RALGAPA1: variants seen among roughly 807,000 people sequenced by gnomAD.
The protein encoded by RALGAPA1 is ral GTPase-activating protein subunit alpha-1.
Under a neutral mutation model 269.6 loss-of-function variants are expected in RALGAPA1, and 52 were observed. The observed-to-expected ratio is 0.19, with a 90% CI of 0.15 to 0.24. RALGAPA1 has a LOEUF of 0.24. RALGAPA1 is among the 10% of genes least tolerant of loss of function. RALGAPA1 has a pLI of 1.00. For missense variants in RALGAPA1, 1,917 were observed against 3,013.9 expected (o/e 0.64, Z 8.52); for synonymous variants, 817 against 1,008.3 (o/e 0.81, Z 3.60).
chr14:35,715,367 T>A (rs562736633), intron 16 of RALGAPA1, among the ~76,000 whole-genome samples: 1 of 152,318 alleles, frequency 6.6e-6, no homozygotes, highest in South Asian at 2.1e-4. Context: ...TATGTTTTTA[T>A]TTCTCAAAGT....
chr14:35,584,871 A>C (rs1384485689), intron 37 of RALGAPA1, among the ~76,000 whole-genome samples: 2 of 152,224 alleles, frequency 1.3e-5, no homozygotes, highest in Non-Finnish European at 2.9e-5. Context: ...AATCACTTTA[A>C]GAATTAATGT....
intron 36 of RALGAPA1, among the ~76,000 whole-genome samples, chr14:35,604,217 T>C (rs1317650338): frequency 1.3e-5 from 2 of 152,024 alleles, no homozygotes; most frequent in African/African-American, 4.8e-5. Flanking sequence ...CTAATTGACA[T>C]ACCTAGTTCA....
At chr14:35,791,380 G>A (rs2076156868) in intron 1 of RALGAPA1, among the ~76,000 whole-genome samples, 1 of 152,158 alleles carries the variant, frequency 6.6e-6, no homozygotes, top group Non-Finnish European at 1.5e-5. Flanking sequence ...AAGGCAGGTG[G>A]ATCACCTTAA....
Position 35,680,822 on chromosome 14 carries a change from G to T in RALGAPA1, c.4472-2720C>A, listed in dbSNP as rs368523677. On this transcript the variant is annotated intron_variant, in intron 21 of 41. Coordinates refer to ENST00000680220, the MANE Select transcript of RALGAPA1 (RefSeq NM_001346249.2). ...GTAGAGACGGGGTTTCACCGTGTTAGCCAGGATGGTCTCAATCTCCTGACC... is the reference window on the plus strand; with the variant it reads ...GTAGAGACGGGGTTTCACCGTGTTATCCAGGATGGTCTCAATCTCCTGACC... Among the ~76,000 whole-genome samples the T allele has an allele frequency of 8.6e-5, 13 of 151,722 alleles. No homozygotes were observed. The East Asian group carries it at 2.1e-3, about 25-fold the overall frequency.
intron 26 of RALGAPA1, among the ~76,000 whole-genome samples, chr14:35,669,078 C>G (rs1454314802): frequency 6.6e-6 from 1 of 152,092 alleles, no homozygotes; most frequent in Admixed American, 6.6e-5. Context: ...CTTTCAGGGA[C>G]ATATTTATGT....
chr14:35,808,437 A>G (rs2077528684), intron 1 of RALGAPA1, among the ~76,000 whole-genome samples: 1 of 152,172 alleles, frequency 6.6e-6, no homozygotes, highest in Admixed American at 6.5e-5. Context: ...ATTATCCACA[A>G]CGCCAGGTCT....
At chr14:35,756,501 A>T (rs2073191126) in intron 7 of RALGAPA1, 1 of 166,010 alleles carries the variant, frequency 6.0e-6, no homozygotes, top group South Asian at 1.8e-4. Flanking sequence ...ACTAAGGGAT[A>T]CCCTTCTAAA....
chr14:35,739,280 A>G (rs2071333156), intron 11 of RALGAPA1, among the ~76,000 whole-genome samples: 1 of 152,182 alleles, frequency 6.6e-6, no homozygotes, highest in Admixed American at 6.5e-5. Context: ...ATATCTTTAA[A>G]TAGTTAAGTT....
At chr14:35,547,947 GTGT>G (rs556512109) in intron 41 of RALGAPA1, among the ~76,000 whole-genome samples, 34 of 152,064 alleles carry the variant, frequency 2.2e-4, no homozygotes, top group Non-Finnish European at 4.1e-4. Flanking sequence ...TAGAAAAGAA[GTGT>G]TGTGCCTTTT....
intron 24 of RALGAPA1, 33 bp from the exon 25 acceptor site, chr14:35,673,055 A>G (rs2064619843): frequency 7.3e-7 from 1 of 1,373,352 alleles, no homozygotes; most frequent in Non-Finnish European, 9.5e-7. Flanking sequence ...AATGTTCAAA[A>G]AGAAATACTA....
chr14:35,716,777 A>T (rs865835915), intron 16 of RALGAPA1, among the ~76,000 whole-genome samples: 75 of 152,192 alleles, frequency 4.9e-4, no homozygotes, highest in African/African-American at 1.7e-3. Context: ...GTTGTCTCAT[A>T]ATATGTACTA....
intron 10 of RALGAPA1, among the ~76,000 whole-genome samples, chr14:35,745,404 T>A (rs1349397250): frequency 7.3e-6 from 1 of 137,294 alleles, no homozygotes; most frequent in Non-Finnish European, 1.5e-5. Context: ...GAAATACACA[T>A]ACACAGACAC....
intron 37 of RALGAPA1, among the ~76,000 whole-genome samples, chr14:35,591,154 T>C (rs1000133816): frequency 6.6e-6 from 1 of 152,208 alleles, no homozygotes; most frequent in East Asian, 1.9e-4. Context: ...TTAACAGTTG[T>C]GGACCATCAA....
chr14:35,708,036 G>A (rs753317131), intron 16 of RALGAPA1, among the ~76,000 whole-genome samples: 3 of 152,024 alleles, frequency 2.0e-5, no homozygotes, highest in Non-Finnish European at 4.4e-5. Context: ...TTCAATAAAT[G>A]GTGCTGGGAT....
intron 31 of RALGAPA1, among the ~76,000 whole-genome samples, chr14:35,642,944 C>T (rs2062122890): frequency 6.6e-6 from 1 of 152,108 alleles, no homozygotes; most frequent in Non-Finnish European, 1.5e-5. Flanking sequence ...AAGTGTCCAT[C>T]AATGATAGAC....
intron 37 of RALGAPA1, among the ~76,000 whole-genome samples, chr14:35,573,192 T>C (rs2057339241): frequency 6.6e-6 from 1 of 152,182 alleles, no homozygotes; most frequent in Non-Finnish European, 1.5e-5. Flanking sequence ...CTCAAGACGT[T>C]ATTTAAATGT....
At chr14:35,624,975 G>C (rs2060898802) in intron 35 of RALGAPA1, among the ~76,000 whole-genome samples, 1 of 151,986 alleles carries the variant, frequency 6.6e-6, no homozygotes, top group Non-Finnish European at 1.5e-5. Flanking sequence ...CAGATCACAA[G>C]GTCAGGAGAT....
chr14:35,749,525 C>T (rs981016697), intron 9 of RALGAPA1, among the ~76,000 whole-genome samples: 4 of 152,052 alleles, frequency 2.6e-5, no homozygotes, highest in South Asian at 2.1e-4. Context: ...CAATTTTTGG[C>T]CTCAGTTTTG....
In RALGAPA1 at chr14:35,557,056, T is replaced by C. The variant is rs192472865; in HGVS notation, c.7497-7822A>G. Among the ~76,000 whole-genome samples, 438 of 151,792 alleles carry C rather than the reference T, an allele frequency of 2.9e-3. 2 individuals carry two copies. Among genetic ancestry groups the C allele is most frequent in the African/African-American group, 0.01 (424 of 41,424 alleles). On this transcript the variant is annotated intron_variant, in intron 39 of 41. Coordinates refer to ENST00000680220, the MANE Select transcript of RALGAPA1 (RefSeq NM_001346249.2). ...TCCTGATTTAATAATCCAGTAATCATTGGTGGGTTTCAAAAAGCACTAATA... is the reference window on the plus strand; with the variant it reads ...TCCTGATTTAATAATCCAGTAATCACTGGTGGGTTTCAAAAAGCACTAATA...
Sources: allele counts gnomAD v4.1 joint callset (sites outside exome capture counted in the v4.1 genomes callset), GRCh38; gene constraint gnomAD v4.1.1; transcripts MANE v1.5; gene names NCBI Gene and HGNC (gene_info 2026-07-23, HGNC 2026-07-21).